Variants in ALPL observed in about 807,000 individuals in gnomAD.
ALPL encodes the protein alkaline phosphatase, biomineralization associated, also known as alkaline phosphatase, tissue-nonspecific isozyme.
ALPL carries 42 observed loss-of-function variants against 51.3 expected under a neutral mutation model. The ratio of observed to expected loss-of-function variants is 0.82; its 90% CI spans 0.64 to 1.06. The LOEUF (loss-of-function observed/expected upper bound fraction) is 1.06, where lower values mean the gene tolerates loss of function less well. ALPL is among the 50% of genes least tolerant of loss of function. The probability of loss-of-function intolerance (pLI) is 0.00; values close to 1 mark genes in which losing one functional copy is unlikely to be tolerated. For synonymous variants in ALPL, 279 were observed against 296.4 expected (o/e 0.94, Z 0.60); for missense variants, 589 against 709.4 (o/e 0.83, Z 1.93).
chr1:21,577,012 G>T (rs1388135245), intron 11 of ALPL, among the ~76,000 whole-genome samples: 1 of 152,076 alleles, frequency 6.6e-6, no homozygotes, highest in Admixed American at 6.5e-5. Flanking sequence ...TAATATTCCA[G>T]TATACGAGAC....
intron 1 of ALPL, among the ~76,000 whole-genome samples, chr1:21,527,075 C>T (rs2148077982): frequency 8.2e-6 from 1 of 121,432 alleles, no homozygotes; most frequent in East Asian, 1.9e-4. Context: ...TCTTGTTGCC[C>T]AGGCTGGAGT....
chr1:21,522,792 G>A (rs1160596361), intron 1 of ALPL, among the ~76,000 whole-genome samples: 5 of 152,244 alleles, frequency 3.3e-5, no homozygotes, highest in Non-Finnish European at 7.3e-5. Context: ...TCTGCTGGAG[G>A]AAACTCGGTG....
intron 1 of ALPL, among the ~76,000 whole-genome samples, chr1:21,546,943 G>C (rs1448886361): frequency 6.6e-6 from 1 of 152,248 alleles, no homozygotes; most frequent in East Asian, 1.9e-4. Context: ...GCTGCTGTTA[G>C]GGGAAAACCT....
intron 1 of ALPL, among the ~76,000 whole-genome samples, chr1:21,546,542 G>C (rs1205256595): frequency 1.3e-5 from 2 of 152,216 alleles, no homozygotes; most frequent in African/African-American, 2.4e-5. Flanking sequence ...ATCTGGGTTG[G>C]GGAGACAATT....
At chr1:21,561,007 G>A (rs1383216066) in intron 3 of ALPL, 90 bp from the exon 4 acceptor site, 2 of 1,255,038 alleles carry the variant, frequency 1.6e-6, no homozygotes, top group African/African-American at 1.5e-5. Context: ...AGCCTGCCTT[G>A]GTACCGAACT....
intron 1 of ALPL, among the ~76,000 whole-genome samples, chr1:21,521,644 G>A (rs1012481837): frequency 1.6e-4 from 24 of 152,136 alleles, no homozygotes; most frequent in Admixed American, 1.2e-3. Flanking sequence ...GTCCTTGCAC[G>A]AATGCCACCA....
At chr1:21,532,652 C>T (rs953855393) in intron 1 of ALPL, among the ~76,000 whole-genome samples, 5 of 152,236 alleles carry the variant, frequency 3.3e-5, no homozygotes, top group African/African-American at 1.2e-4. Flanking sequence ...CTCTGCCCCA[C>T]CCAAACCTCT....
intron 1 of ALPL, among the ~76,000 whole-genome samples, chr1:21,528,039 T>G (rs1352644072): frequency 6.6e-6 from 1 of 152,032 alleles, no homozygotes; most frequent in Non-Finnish European, 1.5e-5. Flanking sequence ...TTTGTTTTTT[T>G]TGAGACAGTC....
At chr1:21,540,177 C>T (rs895741957) in intron 1 of ALPL, among the ~76,000 whole-genome samples, 1 of 152,154 alleles carries the variant, frequency 6.6e-6, no homozygotes, top group African/African-American at 2.4e-5. Context: ...ATGTCCTTTC[C>T]ATGGCATGGC....
intron 1 of ALPL, among the ~76,000 whole-genome samples, chr1:21,536,703 C>A (rs1644111284): frequency 2.0e-5 from 3 of 152,000 alleles, no homozygotes; most frequent in Admixed American, 6.6e-5. Flanking sequence ...CGGGATCAGT[C>A]CCACCCAAAC....
intron 1 of ALPL, among the ~76,000 whole-genome samples, chr1:21,548,264 G>A (rs955262147): frequency 1.3e-5 from 2 of 152,232 alleles, no homozygotes; most frequent in African/African-American, 2.4e-5. Context: ...GCCTCTGCGA[G>A]GGGGAGGGGT....
At chr1:21,512,858 A>T (rs1643718453) in intron 1 of ALPL, among the ~76,000 whole-genome samples, 1 of 152,210 alleles carries the variant, frequency 6.6e-6, no homozygotes, top group African/African-American at 2.4e-5. Flanking sequence ...TTCTCAAATT[A>T]AGGGGTAAAA....
chr1:21,517,941 A>T (rs1172007301), intron 1 of ALPL, among the ~76,000 whole-genome samples: 1 of 151,898 alleles, frequency 6.6e-6, no homozygotes, highest in Non-Finnish European at 1.5e-5. Context: ...GGCACACAAG[A>T]TAAAAGGACA....
chr1:21,549,187 C>T (rs1258310395), intron 1 of ALPL, among the ~76,000 whole-genome samples: 1 of 151,834 alleles, frequency 6.6e-6, no homozygotes, highest in African/African-American at 2.4e-5. Flanking sequence ...TTGCTGAGGG[C>T]TTCTGTCACA....
chr1:21,552,105 T>TCCC (rs1558542001), intron 1 of ALPL, among the ~76,000 whole-genome samples: 12,576 of 22,396 alleles, frequency 0.56, 2,042 homozygotes, highest in Middle Eastern at 0.7. Context: ...TCCCTTCCCT[T>TCCC]TCCTCCCCTT....
chr1:21,577,618 G>A lies in ALPL; in HGVS notation c.1545G>A (p.Leu515=). ...SLAAGPLLLA[L]ALYPLSVLF is the part of the protein sequence containing the mutation. ...CTGCAGGCCCCCTGCTGCTCGCGCT[G>A]GCCCTCTACCCCCTGAGCGTCCTGT... The change falls in exon 12 of 12, where the codon CTG becomes CTA. Residue 515 remains leucine (L), a synonymous_variant. Transcript: ENST00000374840. 1 of 1,599,556 alleles carries A rather than the reference G, an allele frequency of 6.3e-7. No individual in the cohort carries two copies. Among genetic ancestry groups the A allele is most frequent in the East Asian group, 2.2e-5 (1 of 44,808 alleles).
chr1:21,526,115 C>T (rs373921930), intron 1 of ALPL, among the ~76,000 whole-genome samples: 1 of 152,126 alleles, frequency 6.6e-6, no homozygotes, highest in Non-Finnish European at 1.5e-5. Context: ...GCAGAATGGC[C>T]GCAAAGGATT....
rs550358395 is a variant in ALPL at position 21,577,578 on chromosome 1, C to T, written c.1505C>T (p.Ser502Leu). The T allele has an allele frequency of 6.4e-5, 103 of 1,602,980 alleles. No individual in the cohort carries two copies. The highest frequency in any genetic ancestry group is 6.1e-4 in the African/African-American group (46 of 75,054). The change falls in exon 12 of 12, where the codon TCG becomes TTG. Residue 502 changes from serine (S) to leucine (L), a missense_variant. Transcript: ENST00000374840. Reference protein sequence around the residue: ...ANLGHCAPASSAGSLAAGPLL... With the variant: ...ANLGHCAPASLAGSLAAGPLL... ...CTCGGCCACTGTGCTCCTGCCAGCT[C>T]GGCAGGCAGCCTTGCTGCAGGCCCC... is the stretch of plus-strand genomic sequence containing the variant.
At chr1:21,541,235 C>T (rs1354944452) in intron 1 of ALPL, among the ~76,000 whole-genome samples, 2 of 152,246 alleles carry the variant, frequency 1.3e-5, no homozygotes, top group African/African-American at 2.4e-5. Flanking sequence ...CCCCATAACC[C>T]TAGCTCCTGA....
Sources: gnomAD v4.1 joint callset for allele counts (sites outside exome capture counted in the v4.1 genomes callset) on GRCh38, gnomAD v4.1.1 for gene constraint, MANE v1.5 for transcripts, NCBI Gene and HGNC (gene_info 2026-07-23, HGNC 2026-07-21) for gene names.